DIAPH2: variants seen among roughly 807,000 people sequenced by gnomAD.
The protein encoded by DIAPH2 is protein diaphanous homolog 2.
Under a neutral mutation model 92.7 loss-of-function variants are expected in DIAPH2, and 35 were observed. The ratio of observed to expected loss-of-function variants is 0.38; its 90% CI spans 0.29 to 0.50. The LOEUF (loss-of-function observed/expected upper bound fraction) is 0.50. Ranked by LOEUF, DIAPH2 falls within the 20% of genes least tolerant of loss-of-function variation. DIAPH2 has a pLI of 0.94. For synonymous variants in DIAPH2, 301 were observed against 280.4 expected (o/e 1.07, Z -0.73); for missense variants, 701 against 819.5 (o/e 0.86, Z 1.77).
At chrX:97,205,812 C>T (rs754157607) in intron 22 of DIAPH2, among the ~76,000 whole-genome samples, 96 of 111,177 alleles carry the variant, frequency 8.6e-4, no homozygotes, top group African/African-American at 3.0e-3. Context: ...GGGTATACAC[C>T]CAAAGGATTA....
chrX:97,553,353 A>AT (rs920184178), intron 26 of DIAPH2, among the ~76,000 whole-genome samples: 1 of 111,959 alleles, frequency 8.9e-6, no homozygotes, highest in Non-Finnish European at 1.9e-5. Context: ...TGTTGTTCAC[A>AT]TACCACAGAT....
intron 26 of DIAPH2, among the ~76,000 whole-genome samples, chrX:97,509,530 T>C (rs1849301693): frequency 1.1e-5 from 1 of 92,013 alleles, no homozygotes; most frequent in African/African-American, 4.0e-5. Context: ...TATTATACTT[T>C]AAGTTTTAGG....
intron 15 of DIAPH2, among the ~76,000 whole-genome samples, chrX:96,952,497 A>T (rs1264395939): frequency 2.7e-5 from 3 of 111,652 alleles, no homozygotes; most frequent in African/African-American, 9.8e-5. Flanking sequence ...GCACTTTGGG[A>T]GGCCGAGGCG....
At chrX:96,838,701 C>A (rs2064915441) in intron 4 of DIAPH2, among the ~76,000 whole-genome samples, 1 of 111,360 alleles carries the variant, frequency 9.0e-6, no homozygotes, top group African/African-American at 3.3e-5. Context: ...AAACAGTGTA[C>A]CGTAATAGAT....
chrX:96,962,572 G>A (rs1474680207), intron 16 of DIAPH2, among the ~76,000 whole-genome samples: 3 of 93,469 alleles, frequency 3.2e-5, no homozygotes, highest in Non-Finnish European at 6.2e-5. Flanking sequence ...TGTTTGATCT[G>A]ATATACGTAT....
At position 97,600,436 on chromosome X, in the gene DIAPH2, A is replaced by ATAT. The variant is rs1208760678; in HGVS notation, c.*1121_*1123dup. 3.6e-5 allele frequency: 4 copies of ATAT among 110,824 alleles called. No individual in the cohort carries two copies. The highest frequency in any genetic ancestry group is 5.7e-5 in the Non-Finnish European group (3 of 53,080). The allele number at this position is 110,824 out of a possible 1,213,427, so 9.1% of individuals were successfully genotyped here. A position where few individuals can be genotyped will look rare whatever the true frequency, so the allele number is the denominator to read the frequency against. ...TGTATGTATGTGTAAATATGTGTAT[A>ATAT]TATTTCTATCTCTTGCTACAATAAT... On this transcript the variant is annotated 3_prime_UTR_variant, in exon 27 of 27. Transcript: ENST00000324765.
At chrX:97,238,024 T>TA (rs769851372) in intron 22 of DIAPH2, among the ~76,000 whole-genome samples, 107 of 112,273 alleles carry the variant, frequency 9.5e-4, no homozygotes, top group African/African-American at 3.5e-3. Flanking sequence ...GCCTTTGATT[T>TA]AAAAAATCAC....
rs558028763 is a variant in DIAPH2, at chrX:96,884,915, A to G, written c.587+3197A>G. The G allele has an allele frequency of 1.3e-4, 155 of 1,209,414 alleles. No homozygotes were observed. The South Asian group carries it at 2.5e-3, about 19-fold the overall frequency. ...GATGAGAGTCACCGCAATTTCATCC[A>G]GGACGAAGTGCTGCGTTTGATTCAT... On this transcript the variant is annotated intron_variant, in intron 5 of 26. Coordinates refer to ENST00000324765, the MANE Select transcript of DIAPH2 (RefSeq NM_006729.5).
chrX:97,355,419 C>T (rs998828526), intron 24 of DIAPH2, among the ~76,000 whole-genome samples: 3 of 106,827 alleles, frequency 2.8e-5, no homozygotes, highest in Non-Finnish European at 5.8e-5. Flanking sequence ...AAAAAAAAAA[C>T]TTCAGTATTA....
At chrX:97,155,241 C>T (rs755512888) in intron 22 of DIAPH2, among the ~76,000 whole-genome samples, 4 of 111,744 alleles carry the variant, frequency 3.6e-5, no homozygotes, top group African/African-American at 9.8e-5. Flanking sequence ...TGGTGGCTCA[C>T]GCCTGTAATC....
chrX:96,826,242 C>G (rs1349893894), intron 4 of DIAPH2, among the ~76,000 whole-genome samples: 2 of 109,988 alleles, frequency 1.8e-5, no homozygotes, highest in Admixed American at 9.7e-5. Flanking sequence ...AATGGTGAAA[C>G]CCCATTTCTA....
intron 23 of DIAPH2, among the ~76,000 whole-genome samples, chrX:97,308,598 C>T (rs761198681): frequency 1.0e-4 from 10 of 98,925 alleles, no homozygotes; most frequent in East Asian, 3.5e-4. Flanking sequence ...GCCTGACCAA[C>T]ATGGTGAAAC....
chrX:97,330,272 C>G (rs773291897), intron 23 of DIAPH2, among the ~76,000 whole-genome samples: 1 of 109,415 alleles, frequency 9.1e-6, no homozygotes, highest in Admixed American at 9.9e-5. Flanking sequence ...TACCACAGAT[C>G]TCTAGAAAAT....
In DIAPH2 at chrX:96,894,974, A is replaced by AT. The variant is rs766131166; in HGVS notation, c.587+13285dup. On this transcript the variant is annotated intron_variant, in intron 5 of 26. Coordinates refer to ENST00000324765, the MANE Select transcript of DIAPH2 (RefSeq NM_006729.5). ...CGCATATACAGATTAGTTTTTCTTA[A>AT]TTTTTTTTTTTTTTTTTTTTTTTTT... 6.2e-3 allele frequency among the ~76,000 whole-genome samples: 368 copies of AT among 59,524 alleles called. 7 individuals are homozygous for AT. Among genetic ancestry groups the AT allele is most frequent in the African/African-American group, 0.014 (234 of 16,483 alleles). 51.7% of individuals were successfully genotyped at this position (59,524 alleles called of 115,157 possible).
At chrX:96,916,674 A>G in intron 8 of DIAPH2, 100 bp downstream of exon 8, 1 of 872,109 alleles carries the variant, frequency 1.1e-6, no homozygotes, top group Non-Finnish European at 1.6e-6. Flanking sequence ...ACTTTCATGA[A>G]AACAGTATTT....
chrX:97,445,337 G>A (rs968496294), intron 26 of DIAPH2, among the ~76,000 whole-genome samples: 7 of 110,935 alleles, frequency 6.3e-5, no homozygotes, highest in Admixed American at 1.9e-4. Flanking sequence ...GGCTTTTTGC[G>A]CACTACTTTC....
intron 22 of DIAPH2, among the ~76,000 whole-genome samples, chrX:97,162,370 C>G (rs2067380811): frequency 8.9e-6 from 1 of 112,008 alleles, no homozygotes; most frequent in Non-Finnish European, 1.9e-5. Context: ...AGAGTAGCAT[C>G]TGCCTCATAG....
At chrX:97,179,506 C>A (rs750548692) in intron 22 of DIAPH2, among the ~76,000 whole-genome samples, 1 of 110,945 alleles carries the variant, frequency 9.0e-6, no homozygotes, top group Non-Finnish European at 1.9e-5. Context: ...TGGTGGCTTC[C>A]AGCTTCATCC....
At chrX:97,552,158 G>A (rs2071224334) in intron 26 of DIAPH2, among the ~76,000 whole-genome samples, 1 of 111,584 alleles carries the variant, frequency 9.0e-6, no homozygotes, top group African/African-American at 3.3e-5. Context: ...CAATGATTTT[G>A]AGTATAGGAA....
Sources: allele counts gnomAD v4.1 joint callset (sites outside exome capture counted in the v4.1 genomes callset), GRCh38; gene constraint gnomAD v4.1.1; transcripts MANE v1.5; gene names NCBI Gene and HGNC (gene_info 2026-07-23, HGNC 2026-07-21).